Variants in SLC22A25 observed in about 807,000 individuals in gnomAD.
SLC22A25 encodes the protein solute carrier family 22 member 25.
Under a neutral mutation model 45.9 loss-of-function variants are expected in SLC22A25, and 44 were observed. The observed-to-expected ratio is 0.96, with a 90% CI of 0.75 to 1.23. The LOEUF (loss-of-function observed/expected upper bound fraction) is 1.23. Among genes scored for constraint, SLC22A25 ranks in the 50% most tolerant of loss-of-function variants. The pLI, the probability that SLC22A25 is intolerant of heterozygous loss-of-function variation, is 0.00. For synonymous variants in SLC22A25, 283 were observed against 238.6 expected, an observed-to-expected ratio of 1.19 and a Z score of -1.72; for missense variants, 800 against 666.4, an observed-to-expected ratio of 1.20 and a Z score of -2.21.
intron 7 of SLC22A25, among the ~76,000 whole-genome samples, chr11:63,209,781 C>T (rs1452749682): frequency 6.6e-6 from 1 of 152,174 alleles, no homozygotes; most frequent in Non-Finnish European, 1.5e-5. Context: ...TATTATGACA[C>T]ACAACCCAAC....
intron 7 of SLC22A25, among the ~76,000 whole-genome samples, chr11:63,197,067 C>G (rs914164569): frequency 6.6e-6 from 1 of 152,098 alleles, no homozygotes; most frequent in Non-Finnish European, 1.5e-5. Context: ...AGGACCTTTT[C>G]AAGGAGAACT....
chr11:63,191,691 C>T lies in SLC22A25; in HGVS notation c.831-7874G>A, dbSNP rs112252200. On this transcript the variant is annotated intron_variant, in intron 7 of 11. Coordinates refer to ENST00000306494, the MANE Select transcript of SLC22A25 (RefSeq NM_199352.6). ...TCCTATTTGGCCATCTTGGCTCCAC[C>T]CCCCCAATCACAAATATTAAAAGCA... is the stretch of plus-strand genomic sequence containing the variant. Among the ~76,000 whole-genome samples the T allele has an allele frequency of 8.3e-3, 1,259 of 152,066 alleles. 26 individuals carry two copies. Among genetic ancestry groups the T allele is most frequent in the African/African-American group, 0.029 (1,194 of 41,496 alleles).
chr11:63,180,946 A>C (rs2088298415), intron 8 of SLC22A25, among the ~76,000 whole-genome samples, 171 bp from the exon 9 acceptor site: 1 of 152,198 alleles, frequency 6.6e-6, no homozygotes, highest in Admixed American at 6.5e-5. Flanking sequence ...GGAAGTTAGA[A>C]TAGAGAGTTA....
At chr11:63,218,263 A>T (rs560080718) in intron 5 of SLC22A25, 22 of 347,016 alleles carry the variant, frequency 6.3e-5, no homozygotes, top group African/African-American at 4.3e-4. Context: ...ACCAAACATT[A>T]CAATGTCCTC....
chr11:63,199,511 C>G (rs979008489), intron 7 of SLC22A25, among the ~76,000 whole-genome samples: 16 of 152,106 alleles, frequency 1.1e-4, no homozygotes, highest in Admixed American at 9.8e-4. Context: ...TACTAAGACC[C>G]TGCTTGAATA....
intron 7 of SLC22A25, among the ~76,000 whole-genome samples, chr11:63,209,522 G>A (rs903688593): frequency 1.1e-4 from 16 of 152,078 alleles, no homozygotes; most frequent in South Asian, 6.2e-4. Flanking sequence ...AGAAGCCCCC[G>A]TTAGAAAAAA....
intron 1 of SLC22A25, among the ~76,000 whole-genome samples, chr11:63,242,726 A>G (rs2090270372): frequency 6.6e-6 from 1 of 152,130 alleles, no homozygotes; most frequent in African/African-American, 2.4e-5. Context: ...TTGACACTCA[A>G]TATTAACCCT....
At chr11:63,220,060 C>G in intron 5 of SLC22A25, 2 of 1,228,792 alleles carry the variant, frequency 1.6e-6, no homozygotes, top group Non-Finnish European at 2.1e-6. Flanking sequence ...TAGAGGGTAC[C>G]CCAAACTTCT....
At chr11:63,189,699 T>A (rs1312463329) in intron 7 of SLC22A25, among the ~76,000 whole-genome samples, 2 of 152,226 alleles carry the variant, frequency 1.3e-5, no homozygotes, top group African/African-American at 4.8e-5. Context: ...TTCCTTTCCA[T>A]GTTTAGTGCT....
chr11:63,166,622 G>C, intron 9 of SLC22A25: 1 of 1,023,030 alleles, frequency 9.8e-7, no homozygotes, highest in South Asian at 4.0e-5. Context: ...AAATAAAAAT[G>C]TACTGATGTC....
At chr11:63,175,714 G>C (rs1465173714) in intron 9 of SLC22A25, among the ~76,000 whole-genome samples, 4 of 151,824 alleles carry the variant, frequency 2.6e-5, no homozygotes, top group African/African-American at 9.7e-5. Context: ...TTTTCTTCTA[G>C]GATTTTGATA....
intron 5 of SLC22A25, among the ~76,000 whole-genome samples, chr11:63,221,212 A>G (rs763240285): frequency 1.3e-5 from 2 of 152,070 alleles, no homozygotes; most frequent in Non-Finnish European, 2.9e-5. Context: ...ATTGTTTTCC[A>G]TGGGAGTTGT....
chr11:63,177,814 T>C (rs1254572016), intron 9 of SLC22A25, among the ~76,000 whole-genome samples: 1 of 141,948 alleles, frequency 7.0e-6, no homozygotes, highest in African/African-American at 2.7e-5. Context: ...TCCAAATACA[T>C]ATATATAATG....
chr11:63,180,538 T>C (rs2088280516), intron 9 of SLC22A25, 122 bp downstream of exon 9: 1 of 671,286 alleles, frequency 1.5e-6, no homozygotes, highest in South Asian at 2.2e-5. Context: ...GCAATTCTCT[T>C]TATGGATTTA....
chr11:63,164,407 G>T, intron 11 of SLC22A25, 119 bp downstream of exon 11: 1 of 903,546 alleles, frequency 1.1e-6, no homozygotes, highest in Non-Finnish European at 1.7e-6. Context: ...TTGTTTTTAT[G>T]ACTATTACAT....
intron 3 of SLC22A25, among the ~76,000 whole-genome samples, chr11:63,234,157 T>C (rs563554687): frequency 2.7e-4 from 41 of 152,338 alleles, no homozygotes; most frequent in African/African-American, 8.7e-4. Context: ...TTAGGTCCGC[T>C]TGGTGCAGAG....
intron 7 of SLC22A25, among the ~76,000 whole-genome samples, chr11:63,184,286 C>A (rs2088437902): frequency 6.6e-6 from 1 of 152,094 alleles, no homozygotes; most frequent in South Asian, 2.1e-4. Context: ...AAGTCATTTA[C>A]CTAAATCTTC....
chr11:63,177,224 A>T (rs1037960521), intron 9 of SLC22A25, among the ~76,000 whole-genome samples: 1 of 151,818 alleles, frequency 6.6e-6, no homozygotes, highest in Non-Finnish European at 1.5e-5. Flanking sequence ...TAAATTTTTA[A>T]TGTTTATGGA....
intron 5 of SLC22A25, among the ~76,000 whole-genome samples, chr11:63,218,548 C>G (rs1023080224): frequency 6.6e-6 from 1 of 152,112 alleles, no homozygotes; most frequent in African/African-American, 2.4e-5. Flanking sequence ...TATTAACATA[C>G]AGTGCACCAT....
Sources: allele counts gnomAD v4.1 joint callset (sites outside exome capture counted in the v4.1 genomes callset), GRCh38; gene constraint gnomAD v4.1.1; transcripts MANE v1.5; gene names NCBI Gene and HGNC (gene_info 2026-07-23, HGNC 2026-07-21).